Variants in KCNAB1 observed in about 807,000 individuals in gnomAD.
The protein encoded by KCNAB1 is voltage-gated potassium channel subunit beta-1.
In KCNAB1, 35 loss-of-function variants were observed where a neutral mutation model predicts 64.6. The ratio of observed to expected loss-of-function variants is 0.54; its 90% confidence interval spans 0.41 to 0.72. The LOEUF is 0.72. KCNAB1 is among the 30% of genes least tolerant of loss of function. The probability of loss-of-function intolerance (pLI) is 0.00; values close to 1 mark genes in which losing one functional copy is unlikely to be tolerated. For missense variants in KCNAB1, 401 were observed against 512.9 expected (o/e 0.78, Z 2.11); for synonymous variants, 177 against 183.8 (o/e 0.96, Z 0.30).
chr3:156,429,167 C>T (rs548177489), intron 2 of KCNAB1, among the ~76,000 whole-genome samples: 44 of 152,298 alleles, frequency 2.9e-4, no homozygotes, highest in African/African-American at 8.7e-4. Context: ...GCTGCCCTGA[C>T]GGTTCTGAAG....
rs143876502 is a variant in KCNAB1, at chr3:156,371,761, G to A, written c.276-49855G>A. Among the ~76,000 whole-genome samples, 36 of 152,220 alleles carry A rather than the reference G, an allele frequency of 2.4e-4. No individual in the cohort carries two copies. In the East Asian group the frequency reaches 5.2e-3, roughly 22 times the overall value. On this transcript the variant is annotated intron_variant, in intron 1 of 13. Transcript: ENST00000490337. ...TTTGCATATAAAAATACTCGGTATAGCCAATAGATGTTGAAATGAATTACA... is the reference window on the plus strand; with the variant it reads ...TTTGCATATAAAAATACTCGGTATAACCAATAGATGTTGAAATGAATTACA...
At chr3:156,518,854 A>G (rs1717745089) in intron 11 of KCNAB1, among the ~76,000 whole-genome samples, 1 of 152,164 alleles carries the variant, frequency 6.6e-6, no homozygotes, top group Non-Finnish European at 1.5e-5. Context: ...TGTGTCTATT[A>G]GACATCTCCA....
At chr3:156,327,542 A>T (rs1723046010) in intron 1 of KCNAB1, among the ~76,000 whole-genome samples, 1 of 152,162 alleles carries the variant, frequency 6.6e-6, no homozygotes, top group Non-Finnish European at 1.5e-5. Context: ...TGTGTTACTG[A>T]TGCAGATATA....
chr3:156,493,375 C>A (rs1715774011), intron 8 of KCNAB1, among the ~76,000 whole-genome samples: 1 of 151,946 alleles, frequency 6.6e-6, no homozygotes, highest in Non-Finnish European at 1.5e-5. Flanking sequence ...AAAATGAATC[C>A]TTCACTGAAA....
intron 11 of KCNAB1, among the ~76,000 whole-genome samples, chr3:156,516,934 A>G (rs1717602491): frequency 6.6e-6 from 1 of 152,256 alleles, no homozygotes; most frequent in Non-Finnish European, 1.5e-5. Flanking sequence ...TGAAGCAAAA[A>G]GATATTCAAG....
At chr3:156,184,572 GC>G (rs1713074019) in intron 1 of KCNAB1, among the ~76,000 whole-genome samples, 1 of 152,204 alleles carries the variant, frequency 6.6e-6, no homozygotes, top group South Asian at 2.1e-4. Context: ...TGGAAAGAGT[GC>G]CTGGAACAGC....
At chr3:156,468,873 A>G (rs1713640452) in intron 7 of KCNAB1, among the ~76,000 whole-genome samples, 1 of 152,214 alleles carries the variant, frequency 6.6e-6, no homozygotes, top group Non-Finnish European at 1.5e-5. Flanking sequence ...GTAAAGTCAA[A>G]GCTAAGCTGC....
At chr3:156,122,763 T>C (rs576852827) in intron 1 of KCNAB1, among the ~76,000 whole-genome samples, 18 of 152,358 alleles carry the variant, frequency 1.2e-4, no homozygotes, top group African/African-American at 4.1e-4. Flanking sequence ...GCAGCATGAT[T>C]ATTTCCAGGA....
intron 1 of KCNAB1, among the ~76,000 whole-genome samples, chr3:156,322,866 C>A (rs776245006): frequency 2.6e-5 from 4 of 152,202 alleles, no homozygotes; most frequent in Non-Finnish European, 4.4e-5. Flanking sequence ...GCCTAATGAG[C>A]CTCTTAGCCC....
At chr3:156,227,265 A>G (rs555298867) in intron 1 of KCNAB1, among the ~76,000 whole-genome samples, 1 of 152,342 alleles carries the variant, frequency 6.6e-6, no homozygotes, top group Non-Finnish European at 1.5e-5. Flanking sequence ...ACTCCTTTTG[A>G]TAGTACTGAA....
chr3:156,163,872 G>A (rs1240311263), intron 1 of KCNAB1, among the ~76,000 whole-genome samples: 8 of 152,152 alleles, frequency 5.3e-5, no homozygotes, highest in Non-Finnish European at 1.0e-4. Context: ...AATGTTGCAC[G>A]GATGCCATGG....
intron 1 of KCNAB1, among the ~76,000 whole-genome samples, chr3:156,375,043 G>A (rs1576789298): frequency 7.4e-6 from 1 of 135,770 alleles, no homozygotes; most frequent in South Asian, 2.2e-4. Context: ...CACTGACATT[G>A]TTTGGTTTGG....
chr3:156,178,862 G>A lies in KCNAB1; in HGVS notation c.275+57976G>A, dbSNP rs1178536307. Among the ~76,000 whole-genome samples, 4 of 152,008 alleles carry A rather than the reference G, an allele frequency of 2.6e-5. No individual in the cohort carries two copies. In the South Asian group the frequency reaches 6.3e-4, roughly 24 times the overall value. On this transcript the variant is annotated intron_variant, in intron 1 of 13. Coordinates refer to ENST00000490337, the MANE Select transcript of KCNAB1 (RefSeq NM_172160.3). Reference sequence around the variant, plus strand: ...TAAAAATACAAAAAATTAGCCGGGCGTGTTGGCGGGAGCCTGTAGTCCCAG... The same window carrying A: ...TAAAAATACAAAAAATTAGCCGGGCATGTTGGCGGGAGCCTGTAGTCCCAG...
chr3:156,332,984 T>C (rs1336775072), intron 1 of KCNAB1, among the ~76,000 whole-genome samples: 5 of 152,174 alleles, frequency 3.3e-5, no homozygotes, highest in African/African-American at 2.4e-5. Flanking sequence ...CTTTGTGGAG[T>C]TGGCCTTGCC....
chr3:156,398,548 A>C (rs1713646512), intron 1 of KCNAB1, among the ~76,000 whole-genome samples: 1 of 147,274 alleles, frequency 6.8e-6, no homozygotes, highest in African/African-American at 2.6e-5. Context: ...AGCCGAGATC[A>C]CGCCACTGCA....
chr3:156,271,827 AT>A (rs1418216347), intron 1 of KCNAB1, among the ~76,000 whole-genome samples: 2 of 152,192 alleles, frequency 1.3e-5, no homozygotes, highest in Non-Finnish European at 2.9e-5. Context: ...GTCTGTACCC[AT>A]CCTTCTTGGG....
intron 1 of KCNAB1, among the ~76,000 whole-genome samples, chr3:156,186,820 G>A (rs1713224961): frequency 6.6e-6 from 1 of 150,640 alleles, no homozygotes; most frequent in Non-Finnish European, 1.5e-5. Flanking sequence ...GACTTTTAGG[G>A]CATTGTTTTT....
chr3:156,451,744 G>A (rs1712020373), intron 2 of KCNAB1, among the ~76,000 whole-genome samples: 2 of 152,236 alleles, frequency 1.3e-5, no homozygotes, highest in South Asian at 4.2e-4. Flanking sequence ...CTCACGGCCT[G>A]ATGGTGTAGG....
At chr3:156,447,923 T>C (rs1711700166) in intron 2 of KCNAB1, among the ~76,000 whole-genome samples, 1 of 152,222 alleles carries the variant, frequency 6.6e-6, no homozygotes, top group Non-Finnish European at 1.5e-5. Context: ...AGCAAGGCAG[T>C]CATTTAAATG....
Sources: allele counts gnomAD v4.1 joint callset (sites outside exome capture counted in the v4.1 genomes callset), GRCh38; gene constraint gnomAD v4.1.1; transcripts MANE v1.5; gene names NCBI Gene and HGNC (gene_info 2026-07-23, HGNC 2026-07-21).